The following SPTBN2 variants were observed in gnomAD, a reference collection of about 807,000 sequenced individuals.
SPTBN2 encodes the protein spectrin beta chain, non-erythrocytic 2.
A neutral mutation model predicts 284.2 loss-of-function variants in SPTBN2; 107 were observed. The ratio of observed to expected loss-of-function variants is 0.38; its 90% CI spans 0.32 to 0.44. SPTBN2 has a LOEUF of 0.44. Ranked by LOEUF, SPTBN2 falls within the 20% of genes least tolerant of loss-of-function variation. The probability of loss-of-function intolerance (pLI) is 1.00; values close to 1 mark genes in which losing one functional copy is unlikely to be tolerated. For synonymous variants in SPTBN2, 1,289 were observed against 1,354.8 expected (o/e 0.95, Z 1.07); for missense variants, 2,569 against 3,287.1 (o/e 0.78, Z 5.34).
At position 66,705,115 on chromosome 11, in the gene SPTBN2, G is replaced by A. The variant is rs757150924; in HGVS notation, c.2161C>T (p.Arg721Cys). Residue 721 changes from arginine (R) to cysteine (C), a missense_variant, in exon 15 of 38, where the codon CGT (arginine) becomes TGT (cysteine). By Grantham distance (180) the Arg-to-Cys change is radical. Around this residue, in one of 6 missense-constraint regions of SPTBN2, gnomAD observed 1,012 missense variants for 1,248.9 expected, o/e 0.81. Transcript: ENST00000533211. Reference protein sequence around the residue: ...GHPGASQASARAAELQAQWER... With the variant: ...GHPGASQASACAAELQAQWER... ...CACTGGGCTTGGAGTTCAGCTGCAC[G>A]GGCAGAGGCCTGGCTTGCCCCAGGG... 9.7e-6 allele frequency: 15 copies of A among 1,552,152 alleles called. No individual in the cohort carries two copies. Among genetic ancestry groups the A allele is most frequent in the Middle Eastern group, 1.7e-4 (1 of 5,974 alleles).
chr11:66,694,246 C>T lies in SPTBN2; in HGVS notation c.4396G>A (p.Val1466Met), dbSNP rs763193925. The T allele has an allele frequency of 8.1e-5, 130 of 1,614,046 alleles. No homozygotes were observed. Among genetic ancestry groups the T allele is most frequent in the East Asian group, 1.6e-4 (7 of 44,896 alleles). The change falls in exon 22 of 38, where the codon GTG (valine) becomes ATG (methionine). Residue 1466 changes from valine (V) to methionine (M), a missense_variant. By Grantham distance (21) the Val-to-Met change is conservative (BLOSUM62 1). Around this residue, in one of 6 missense-constraint regions of SPTBN2, gnomAD observed 1,130 missense variants for 1,317.3 expected, o/e 0.86. Transcript: ENST00000533211. ...AGEVERTSRA[V>M]EEKFRALCQP... ...CACAAGGCCCTGAACTTCTCCTCCACGGCCCTCGAGGTTCTCTCCACCTCC... is the reference window on the plus strand; with the variant it reads ...CACAAGGCCCTGAACTTCTCCTCCATGGCCCTCGAGGTTCTCTCCACCTCC...
chr11:66,740,457 CCT>C (rs1369039429), intron 1 of SPTBN2, among the ~76,000 whole-genome samples: 1 of 152,128 alleles, frequency 6.6e-6, no homozygotes, highest in Non-Finnish European at 1.5e-5. Flanking sequence ...CTAGAACATC[CCT>C]GTCTGACCCC....
rs1373599834 is a variant in SPTBN2 at position 66,714,377 on chromosome 11, T to A, written c.514A>T (p.Asn172Tyr). 6 of 1,613,954 alleles carry A rather than the reference T, an allele frequency of 3.7e-6. No individual in the cohort carries two copies. The highest frequency in any genetic ancestry group is 4.2e-6 in the Non-Finnish European group (5 of 1,179,990). The change falls in exon 6 of 38, where the codon AAC (asparagine) becomes TAC (tyrosine). Residue 172 changes from asparagine to tyrosine, a missense_variant. This residue lies in a region of SPTBN2 where 304 missense variants were observed against 522.1 expected (regional missense o/e 0.58). Coordinates refer to ENST00000533211, the MANE Select transcript of SPTBN2 (RefSeq NM_006946.4). ...IQDISVETED[N>Y]KEKKSAKDAL... ...TCCTTGGCTGACTTCTTCTCCTTGT[T>A]GTCTTCTGTCTCCACACTGATGTCT...
chr11:66,707,043 G>GC lies in SPTBN2; in HGVS notation c.1653+472dup, dbSNP rs947197168. Among the ~76,000 whole-genome samples, 44 of 152,346 alleles carry GC rather than the reference G, an allele frequency of 2.9e-4. No homozygotes were observed. The highest frequency in any genetic ancestry group is 5.2e-4 in the Admixed American group (8 of 15,298). On this transcript the variant is annotated intron_variant, in intron 13 of 37. Transcript: ENST00000533211. This position sits in a 1 kb window ranked among gnomAD's most constrained non-coding sequence, Gnocchi z 4.9. ...GTGCCCTCCCAAATCTCAGTCCATG[G>GC]CCCCCACTCCTCATGCTCACAGCCC...
At chr11:66,727,015 G>A (rs971418880) in intron 1 of SPTBN2, among the ~76,000 whole-genome samples, 1 of 152,168 alleles carries the variant, frequency 6.6e-6, no homozygotes, top group African/African-American at 2.4e-5. Flanking sequence ...GGGCTGAAGA[G>A]GGGGACTGAA....
chr11:66,701,422 T>TC (rs1941240821), intron 16 of SPTBN2, 140 bp from the exon 17 acceptor site: 1 of 1,488,426 alleles, frequency 6.7e-7, no homozygotes, highest in Non-Finnish European at 9.1e-7. Context: ...CTTGACCCCC[T>TC]CTCTCATCTC....
rs1942248059 is a variant in SPTBN2 at position 66,718,558 on chromosome 11, G to A, written c.157+2526C>T. Among the ~76,000 whole-genome samples the A allele has an allele frequency of 6.6e-6, 1 of 152,224 alleles. No homozygotes were observed. Among genetic ancestry groups the A allele is most frequent in the South Asian group, 2.1e-4 (1 of 4,832 alleles). ...TGTGGGCCCCTTCCACAGCCTCATA[G>A]TAAAACTCGCTGGCCTCATGCAGGC... On this transcript the variant is annotated intron_variant, in intron 3 of 37. Transcript: ENST00000533211. The surrounding 1 kb of genome is among the most constrained non-coding windows in gnomAD (Gnocchi z 4.8).
At chr11:66,734,436 C>G (rs745879179) in intron 1 of SPTBN2, among the ~76,000 whole-genome samples, 3 of 152,208 alleles carry the variant, frequency 2.0e-5, no homozygotes, top group Non-Finnish European at 2.9e-5. Flanking sequence ...ACCACTTGCA[C>G]TTGGCACTCT....
At position 66,685,925 on chromosome 11, in the gene SPTBN2, G is replaced by A. The variant is rs1213201129; in HGVS notation, c.7119C>T (p.Asp2373=). 8 of 1,613,922 alleles carry A rather than the reference G, an allele frequency of 5.0e-6. No homozygotes were observed. The African/African-American group carries it at 5.3e-5, about 11-fold the overall frequency. The change falls in exon 38 of 38, where the codon GAC becomes GAT. Residue 2373 remains aspartate, a synonymous_variant. Transcript: ENST00000533211. The surrounding 1 kb of genome is among the most constrained non-coding windows in gnomAD (Gnocchi z 4.4). ...GTTTTTCTCGCTCTCGTTCTCTGCC[G>A]TCTTTGCTGCGGAGCACAACAGGCC... ...AEGPVVLRSK[D]GREREREKRF... is the part of the protein sequence containing the mutation.
In SPTBN2 at chr11:66,691,172, G is replaced by A. The variant is rs1292966701; in HGVS notation, c.5565+112C>T. The stretch of plus-strand genomic sequence containing the variant: ...TCATCTCGAAATGGCCCTCGAAAGA[G>A]TGCCGTCCTCCCAGCATTTCTGAGC... On this transcript the variant is annotated intron_variant, in intron 27 of 37. Coordinates refer to ENST00000533211, the MANE Select transcript of SPTBN2 (RefSeq NM_006946.4). The surrounding 1 kb of genome is among the most constrained non-coding windows in gnomAD (Gnocchi z 8.0). 7.1e-7 allele frequency: 1 copy of A among 1,403,896 alleles called. No homozygotes were observed. Among genetic ancestry groups the A allele is most frequent in the South Asian group, 1.8e-5 (1 of 55,884 alleles). 87.0% of individuals were successfully genotyped at this position (1,403,896 alleles called of 1,614,324 possible). A position where few individuals can be genotyped will look rare whatever the true frequency, so the allele number is the denominator to read the frequency against.
At position 66,691,403 on chromosome 11, in the gene SPTBN2, G is replaced by T. The variant is rs757668466; in HGVS notation, c.5446C>A (p.Arg1816=). Residue 1816 remains arginine (R), a synonymous_variant, in exon 27 of 38, where the codon CGG becomes AGG. Coordinates refer to ENST00000533211, the MANE Select transcript of SPTBN2 (RefSeq NM_006946.4). This position sits in a 1 kb window ranked among gnomAD's most constrained non-coding sequence, Gnocchi z 8.0. ...FLHGARQALA[R]VQHKQQQLPD... ...AGCTGCTGCTGCTTGTGCTGCACCC[G>T]CGCCAGGGCTTGGCGTGCCCCGTGC... is the stretch of plus-strand genomic sequence containing the variant. 1.2e-6 allele frequency: 2 copies of T among 1,609,828 alleles called. No homozygotes were observed. The highest frequency in any genetic ancestry group is 2.7e-5 in the African/African-American group (2 of 74,812).
In SPTBN2 at chr11:66,687,224, C is replaced by T; in HGVS notation, c.6723-57G>A. 6.2e-7 allele frequency: 1 copy of T among 1,605,596 alleles called. No individual in the cohort carries two copies. Among genetic ancestry groups the T allele is most frequent in the Non-Finnish European group, 8.5e-7 (1 of 1,177,996 alleles). The stretch of plus-strand genomic sequence containing the variant: ...TCAGTGGCGCCCGCAACCTGGAGCC[C>T]TCTTGGGTGTCCTAGGACTTCCAGT... On this transcript the variant is annotated intron_variant, in intron 35 of 37. Transcript: ENST00000533211. This position sits in a 1 kb window ranked among gnomAD's most constrained non-coding sequence, Gnocchi z 5.2.
chr11:66,693,677 C>A lies in SPTBN2; in HGVS notation c.4593+95G>T. Reference sequence around the variant, plus strand: ...ACAGCCACTGAAGTCCAGGGTTACACTCAGCATCGAGGGGGGCCTGGTCTT... The same window carrying A: ...ACAGCCACTGAAGTCCAGGGTTACAATCAGCATCGAGGGGGGCCTGGTCTT... On this transcript the variant is annotated intron_variant, in intron 23 of 37. Transcript: ENST00000533211. This position sits in a 1 kb window ranked among gnomAD's most constrained non-coding sequence, Gnocchi z 5.7. The A allele has an allele frequency of 7.3e-7, 1 of 1,367,562 alleles. No individual in the cohort carries two copies. Among genetic ancestry groups the A allele is most frequent in the Non-Finnish European group, 1.0e-6 (1 of 983,698 alleles). The allele number at this position is 1,367,562 out of a possible 1,614,324, so 84.7% of individuals were successfully genotyped here. A position where few individuals can be genotyped will look rare whatever the true frequency, so the allele number is the denominator to read the frequency against.
intron 3 of SPTBN2, among the ~76,000 whole-genome samples, chr11:66,716,630 A>G (rs1296592853): frequency 2.0e-5 from 3 of 152,234 alleles, no homozygotes; most frequent in African/African-American, 7.2e-5. Context: ...GACTTCATTC[A>G]TCAGAGCCCC....
Position 66,715,194 on chromosome 11 carries a change from C to T in SPTBN2, c.483+28G>A, listed in dbSNP as rs752754855. 1.2e-6 allele frequency: 2 copies of T among 1,614,108 alleles called. No individual in the cohort carries two copies. Among genetic ancestry groups the T allele is most frequent in the East Asian group, 2.2e-5 (1 of 44,878 alleles). ...CGGTGCAGAGCCAGGGCAGGAACCA[C>T]ACCCTGTGTGACAGTGTGCTGGGGT... On this transcript the variant is annotated intron_variant, in intron 5 of 37. Coordinates refer to ENST00000533211, the MANE Select transcript of SPTBN2 (RefSeq NM_006946.4). This position sits in a 1 kb window ranked among gnomAD's most constrained non-coding sequence, Gnocchi z 5.3.
rs373539955 is a variant in SPTBN2, at chr11:66,708,269, C to T, written c.1222G>A (p.Glu408Lys). 5 of 1,600,282 alleles carry T rather than the reference C, an allele frequency of 3.1e-6. No homozygotes were observed. The highest frequency in any genetic ancestry group is 3.4e-5 in the Admixed American group (2 of 59,582). The change falls in exon 12 of 38, where the codon GAG (glutamate) becomes AAG (lysine). Residue 408 changes from glutamate (E) to lysine (K), a missense_variant. By Grantham distance (56) the Glu-to-Lys change is moderately conservative. Coordinates refer to ENST00000533211, the MANE Select transcript of SPTBN2 (RefSeq NM_006946.4). The surrounding 1 kb of genome is among the most constrained non-coding windows in gnomAD (Gnocchi z 4.4). ...TCGGTGCGCAGGGCCAGCTCACGCTCGTGCTCCGCCTTCTCCAGCCGCTCC... is the reference window on the plus strand; with the variant it reads ...TCGGTGCGCAGGGCCAGCTCACGCTTGTGCTCCGCCTTCTCCAGCCGCTCC... Reference protein sequence around the residue: ...AWERLEKAEHERELALRTELI... With the variant: ...AWERLEKAEHKRELALRTELI...
At chr11:66,741,967 T>G (rs1009349663) in intron 1 of SPTBN2, among the ~76,000 whole-genome samples, 1 of 152,082 alleles carries the variant, frequency 6.6e-6, no homozygotes, top group African/African-American at 2.4e-5. Context: ...ACTGTAGGCA[T>G]GCATCACTGT....
intron 15 of SPTBN2, among the ~76,000 whole-genome samples, chr11:66,703,168 C>T (rs1941340464): frequency 2.0e-5 from 3 of 151,698 alleles, no homozygotes; most frequent in African/African-American, 7.3e-5. Context: ...GCAGCCTCGA[C>T]CTCTGGGCTC....
At position 66,708,928 on chromosome 11, in the gene SPTBN2, C is replaced by T; in HGVS notation, c.1165G>A (p.Gly389Ser). The part of the protein sequence containing the change: ...NNQKVYTPRE[G>S]RLISDINKAW... Reference sequence around the variant, plus strand: ...TTGTTGATGTCCGAGATGAGCCGGCCCTCGCGGGGCGTGTAGACCTTCTGG... The same window carrying T: ...TTGTTGATGTCCGAGATGAGCCGGCTCTCGCGGGGCGTGTAGACCTTCTGG... The change falls in exon 11 of 38, where the codon GGC becomes AGC. Residue 389 changes from glycine (G) to serine (S), a missense_variant. Physicochemically the swap from Gly to Ser is moderately conservative, Grantham distance 56. Coordinates refer to ENST00000533211, the MANE Select transcript of SPTBN2 (RefSeq NM_006946.4). This position sits in a 1 kb window ranked among gnomAD's most constrained non-coding sequence, Gnocchi z 4.4. 6.2e-7 allele frequency: 1 copy of T among 1,614,032 alleles called. No individual in the cohort carries two copies. Among genetic ancestry groups the T allele is most frequent in the Non-Finnish European group, 8.5e-7 (1 of 1,179,972 alleles).
Sources: gnomAD v4.1 joint callset for allele counts (sites outside exome capture counted in the v4.1 genomes callset) on GRCh38, gnomAD v4.1.1 for gene constraint, gnomAD v4.1.1 regional missense constraint, Gnocchi (gnomAD v3.1) non-coding constraint, MANE v1.5 for transcripts, NCBI Gene and HGNC (gene_info 2026-07-23, HGNC 2026-07-21) for gene names.